CTNNA3: variants seen among roughly 807,000 people sequenced by gnomAD.
CTNNA3 encodes the protein catenin alpha-3.
CTNNA3 carries 76 observed loss-of-function variants against 95.7 expected under a neutral mutation model. The ratio of observed to expected loss-of-function variants is 0.79; its 90% confidence interval spans 0.66 to 0.96. The LOEUF is 0.96. Ranked by LOEUF, CTNNA3 falls within the 40% of genes least tolerant of loss-of-function variation. The probability of loss-of-function intolerance (pLI) is 0.00; values close to 1 mark genes in which losing one functional copy is unlikely to be tolerated. For synonymous variants in CTNNA3, 431 were observed against 374.4 expected (o/e 1.15, Z -1.74); for missense variants, 1,191 against 1,089.8 (o/e 1.09, Z -1.31).
chr10:66,991,828 GAAT>G (rs1430430203), intron 7 of CTNNA3, among the ~76,000 whole-genome samples: 2 of 152,164 alleles, frequency 1.3e-5, no homozygotes, highest in African/African-American at 2.4e-5. Flanking sequence ...ATATATGCCA[GAAT>G]AATATCAAAT....
intron 16 of CTNNA3, among the ~76,000 whole-genome samples, chr10:65,971,668 T>C (rs1232056601): frequency 6.6e-6 from 1 of 151,686 alleles, no homozygotes. Flanking sequence ...CTAAATTGAA[T>C]CAGTAATAAA....
Position 67,703,758 on chromosome 10 carries a change from G to C in CTNNA3, c.-1-56244C>G, listed in dbSNP as rs1292545066. ...TCTCACCACTGCTATTCAACATAGG[G>C]TTGGAAGTCCTGGCCAGGGCAATCA... On this transcript the variant is annotated intron_variant, in intron 1 of 17. Transcript: ENST00000684154. Among the ~76,000 whole-genome samples, 3 of 152,138 alleles carry C rather than the reference G, an allele frequency of 2.0e-5. No individual in the cohort carries two copies. The East Asian group carries it at 5.8e-4, about 29-fold the overall frequency.
At chr10:66,920,543 G>A (rs1157395488) in intron 7 of CTNNA3, among the ~76,000 whole-genome samples, 1 of 151,982 alleles carries the variant, frequency 6.6e-6, no homozygotes, top group Non-Finnish European at 1.5e-5. Flanking sequence ...TATTGTTTGG[G>A]GGCTAATTTT....
intron 15 of CTNNA3, among the ~76,000 whole-genome samples, chr10:66,043,290 T>C (rs2079747674): frequency 6.6e-6 from 1 of 152,092 alleles, no homozygotes; most frequent in Non-Finnish European, 1.5e-5. Context: ...TATTGGAAGA[T>C]TGTCTTAAAT....
At chr10:67,515,943 T>G (rs1839797950) in intron 5 of CTNNA3, among the ~76,000 whole-genome samples, 1 of 152,038 alleles carries the variant, frequency 6.6e-6, no homozygotes, top group Non-Finnish European at 1.5e-5. Flanking sequence ...GATACACATG[T>G]TCTTTATCTT....
At chr10:66,336,206 C>T (rs369173857) in intron 12 of CTNNA3, among the ~76,000 whole-genome samples, 7 of 152,024 alleles carry the variant, frequency 4.6e-5, no homozygotes, top group African/African-American at 9.7e-5. Context: ...CACCCTGCTT[C>T]GGCTCATGCT....
intron 13 of CTNNA3, among the ~76,000 whole-genome samples, chr10:66,264,888 T>C (rs898125297): frequency 1.3e-5 from 2 of 151,944 alleles, no homozygotes; most frequent in African/African-American, 4.8e-5. Context: ...ACCTTCCTGC[T>C]CCTGTGTTAA....
chr10:66,977,442 A>C (rs999294897), intron 7 of CTNNA3, among the ~76,000 whole-genome samples: 5 of 151,952 alleles, frequency 3.3e-5, no homozygotes, highest in African/African-American at 4.8e-5. Flanking sequence ...CTCAAAAAAA[A>C]AAAAAATGTA....
intron 5 of CTNNA3, chr10:67,334,883 G>T: frequency 6.2e-6 from 1 of 162,364 alleles, no homozygotes. Flanking sequence ...CACTAACCTG[G>T]GTTAATGTAC....
chr10:66,196,084 T>C (rs1473770928), intron 13 of CTNNA3, among the ~76,000 whole-genome samples: 2 of 152,166 alleles, frequency 1.3e-5, no homozygotes, highest in African/African-American at 4.8e-5. Flanking sequence ...ATAAAAATTC[T>C]ATGTAGTTAT....
chr10:67,013,906 T>C (rs1362886684), intron 7 of CTNNA3, among the ~76,000 whole-genome samples: 1 of 152,108 alleles, frequency 6.6e-6, no homozygotes, highest in Non-Finnish European at 1.5e-5. Flanking sequence ...CAGTGTGCCA[T>C]TTGGGGTGTG....
intron 5 of CTNNA3, among the ~76,000 whole-genome samples, chr10:67,290,368 G>C (rs1423165058): frequency 6.6e-6 from 1 of 152,132 alleles, no homozygotes; most frequent in Non-Finnish European, 1.5e-5. Context: ...TTGCATGACT[G>C]TCTTGTATTA....
intron 13 of CTNNA3, among the ~76,000 whole-genome samples, chr10:66,238,141 GT>G (rs2089947987): frequency 6.6e-6 from 1 of 151,902 alleles, no homozygotes; most frequent in Admixed American, 6.6e-5. Flanking sequence ...TCACCCTATA[GT>G]TTTTGCTTTT....
chr10:67,138,823 G>A (rs897681158), intron 7 of CTNNA3, among the ~76,000 whole-genome samples: 5 of 152,084 alleles, frequency 3.3e-5, no homozygotes, highest in African/African-American at 9.7e-5. Context: ...ATTTTCCTCT[G>A]TGGGATATCC....
intron 3 of CTNNA3, among the ~76,000 whole-genome samples, chr10:67,580,683 C>T (rs9794674): frequency 0.47 from 67,831 of 143,938 alleles, 17,953 homozygotes; most frequent in East Asian, 0.8. Context: ...ATTCTTCCTA[C>T]CCATGAGCAT....
At chr10:67,750,831 C>G (rs1346394503) in intron 1 of CTNNA3, 4 of 1,610,832 alleles carry the variant, frequency 2.5e-6, no homozygotes, top group Non-Finnish European at 3.4e-6. Context: ...CAGTGACTAA[C>G]CAGGTTGAGT....
chr10:66,494,079 T>C (rs534734816), intron 11 of CTNNA3, among the ~76,000 whole-genome samples: 6 of 151,724 alleles, frequency 4.0e-5, no homozygotes, highest in Non-Finnish European at 8.8e-5. Context: ...AGCTAATTTT[T>C]GTATTTTTAG....
intron 11 of CTNNA3, among the ~76,000 whole-genome samples, chr10:66,496,257 T>A (rs1840094968): frequency 6.6e-6 from 1 of 152,130 alleles, no homozygotes; most frequent in Non-Finnish European, 1.5e-5. Flanking sequence ...CTTGATTTTT[T>A]AAAATTCCGT....
At position 66,959,784 on chromosome 10, in the gene CTNNA3, G is replaced by A. The variant is rs777893360; in HGVS notation, c.1048-184260C>T. ...CCTAGCTTTAATTTTCTCTCTATCC[G>A]ACCAGAAACTCAGGAGTAAGAAACT... On this transcript the variant is annotated intron_variant, in intron 7 of 17. Coordinates refer to ENST00000433211, the MANE Select transcript of CTNNA3 (RefSeq NM_013266.4). Among the ~76,000 whole-genome samples the A allele has an allele frequency of 9.9e-5, 15 of 151,936 alleles. No individual in the cohort carries two copies. In the East Asian group the frequency reaches 1.4e-3, roughly 14 times the overall value.
Sources: allele counts gnomAD v4.1 joint callset (sites outside exome capture counted in the v4.1 genomes callset), GRCh38; gene constraint gnomAD v4.1.1; transcripts MANE v1.5; gene names NCBI Gene and HGNC (gene_info 2026-07-23, HGNC 2026-07-21).